The following NKAIN2 variants were observed in gnomAD, a reference collection of about 807,000 sequenced individuals.
NKAIN2 encodes sodium/potassium-transporting ATPase subunit beta-1-interacting protein 2.
Under a neutral mutation model 32.6 loss-of-function variants are expected in NKAIN2, and 14 were observed. That is an observed-to-expected ratio of 0.43 (90% CI 0.28 to 0.67). The LOEUF (loss-of-function observed/expected upper bound fraction) is 0.67, where lower values mean the gene tolerates loss of function less well. Ranked by LOEUF, NKAIN2 falls within the 30% of genes least tolerant of loss-of-function variation. The pLI, the probability that NKAIN2 is intolerant of heterozygous loss-of-function variation, is 0.17. For synonymous variants in NKAIN2, 80 were observed against 87.2 expected, an observed-to-expected ratio of 0.92 and a Z score of 0.46; for missense variants, 198 against 258.3, an observed-to-expected ratio of 0.77 and a Z score of 1.60.
chr6:124,624,088 G>T (rs1026205124), intron 3 of NKAIN2, among the ~76,000 whole-genome samples: 1 of 152,106 alleles, frequency 6.6e-6, no homozygotes, highest in Non-Finnish European at 1.5e-5. Flanking sequence ...ACACCAGACA[G>T]GTAACAACTC....
At chr6:124,605,989 GT>G (rs1409084287) in intron 3 of NKAIN2, among the ~76,000 whole-genome samples, 4 of 151,982 alleles carry the variant, frequency 2.6e-5, no homozygotes, top group African/African-American at 4.8e-5. Context: ...ATTTTCCTCA[GT>G]TTAACTCCTT....
At chr6:124,040,051 T>C (rs1260623352) in intron 1 of NKAIN2, among the ~76,000 whole-genome samples, 1 of 152,022 alleles carries the variant, frequency 6.6e-6, no homozygotes, top group Non-Finnish European at 1.5e-5. Flanking sequence ...CTGTTATTTA[T>C]TACAAGTGGT....
rs565885485 is a variant in NKAIN2 at position 124,725,747 on chromosome 6, G to T, written c.475-65592G>T. Among the ~76,000 whole-genome samples, 5 of 152,336 alleles carry T rather than the reference G, an allele frequency of 3.3e-5. No homozygotes were observed. In the East Asian group the frequency reaches 5.8e-4, roughly 18 times the overall value. ...GAACAGCTCTGGTCTACAGCTCCCA[G>T]TGTGAGCGACGCAGAAGACGGTGAT... On this transcript the variant is annotated intron_variant, in intron 4 of 6. Transcript: ENST00000368417.
chr6:124,200,050 A>G (rs1790522356), intron 1 of NKAIN2, among the ~76,000 whole-genome samples: 1 of 152,180 alleles, frequency 6.6e-6, no homozygotes, highest in Admixed American at 6.5e-5. Flanking sequence ...TAATCAGTGA[A>G]GAAGATACCT....
intron 4 of NKAIN2, among the ~76,000 whole-genome samples, chr6:124,733,353 A>G (rs1458845515): frequency 6.6e-6 from 1 of 151,960 alleles, no homozygotes; most frequent in Non-Finnish European, 1.5e-5. Flanking sequence ...AGCCCAGTAA[A>G]TAATGCAGAC....
intron 3 of NKAIN2, among the ~76,000 whole-genome samples, chr6:124,641,557 TTTTTTTTTTTTTGA>T (rs1431456249): frequency 8.7e-6 from 1 of 114,462 alleles, no homozygotes; most frequent in African/African-American, 3.7e-5. Flanking sequence ...TTTTTTTTTT[TTTTTTTTTTTTTGA>T]GACAGTGTCT....
At chr6:124,811,443 T>A (rs1780901121) in intron 5 of NKAIN2, among the ~76,000 whole-genome samples, 1 of 152,304 alleles carries the variant, frequency 6.6e-6, no homozygotes. Flanking sequence ...TTAAAAGGTT[T>A]AAATAAAAGA....
chr6:124,321,810 TG>T (rs1406267378), intron 2 of NKAIN2, among the ~76,000 whole-genome samples: 3 of 152,308 alleles, frequency 2.0e-5, no homozygotes, highest in Admixed American at 2.0e-4. Flanking sequence ...AACATTGGCA[TG>T]GCTGCTCAGA....
intron 1 of NKAIN2, among the ~76,000 whole-genome samples, chr6:123,810,569 C>A (rs955755454): frequency 6.6e-6 from 1 of 151,978 alleles, no homozygotes; most frequent in African/African-American, 2.4e-5. Context: ...CAACTTTTGA[C>A]AGATAACCAT....
intron 2 of NKAIN2, among the ~76,000 whole-genome samples, chr6:124,292,376 C>T (rs73773711): frequency 0.044 from 6,728 of 152,166 alleles, 518 homozygotes; most frequent in African/African-American, 0.15. Flanking sequence ...TGGTTGAAAT[C>T]TCTTTGTTGC....
Position 124,159,332 on chromosome 6 carries a change from C to T in NKAIN2, c.55-123673C>T, listed in dbSNP as rs77390091. Among the ~76,000 whole-genome samples, 167 of 152,086 alleles carry T rather than the reference C, an allele frequency of 1.1e-3. 1 individual carries two copies. In the East Asian group the frequency reaches 0.029, roughly 26 times the overall value. On this transcript the variant is annotated intron_variant, in intron 1 of 6. Transcript: ENST00000368417. ...TACTAAAGGAAAATTATTTTGATTG[C>T]GATGGGGTATGGTAAAACCACTCAG...
At chr6:123,880,828 C>A (rs2114325904) in intron 1 of NKAIN2, among the ~76,000 whole-genome samples, 1 of 152,242 alleles carries the variant, frequency 6.6e-6, no homozygotes, top group South Asian at 2.1e-4. Flanking sequence ...ATCTTCAATT[C>A]CTATGCAACT....
At chr6:124,197,665 G>T (rs886764749) in intron 1 of NKAIN2, among the ~76,000 whole-genome samples, 4 of 151,930 alleles carry the variant, frequency 2.6e-5, no homozygotes, top group African/African-American at 9.7e-5. Context: ...TTTGGACAAT[G>T]AATACAGGAA....
intron 3 of NKAIN2, among the ~76,000 whole-genome samples, chr6:124,639,417 C>T (rs981451351): frequency 6.6e-6 from 1 of 152,044 alleles, no homozygotes; most frequent in Admixed American, 6.5e-5. Flanking sequence ...GGGAGGCCAA[C>T]GTGTGTGGGA....
At chr6:124,756,434 T>C (rs917225199) in intron 4 of NKAIN2, among the ~76,000 whole-genome samples, 3 of 152,124 alleles carry the variant, frequency 2.0e-5, no homozygotes, top group African/African-American at 2.4e-5. Flanking sequence ...CCTTCCACTA[T>C]GACCAGCCCT....
At chr6:124,103,251 T>G (rs962639326) in intron 1 of NKAIN2, among the ~76,000 whole-genome samples, 10 of 152,214 alleles carry the variant, frequency 6.6e-5, no homozygotes, top group African/African-American at 2.4e-4. Context: ...AAAAATAATC[T>G]ACAAAGCAAT....
intron 1 of NKAIN2, among the ~76,000 whole-genome samples, chr6:124,270,572 A>T (rs1794713984): frequency 6.6e-6 from 1 of 152,208 alleles, no homozygotes; most frequent in African/African-American, 2.4e-5. Flanking sequence ...CATATGATAC[A>T]TGAACATAAG....
chr6:124,658,350 A>T lies in NKAIN2; in HGVS notation c.438A>T (p.Ile146=), dbSNP rs756813662. ...VSGCLLEYQY[I]EVAHSSLQIV... ...GGTGTTTGCTGGAGTACCAGTACATAGAAGTGGCTCATAGTTCCCTCCAGA... is the reference window on the plus strand; with the variant it reads ...GGTGTTTGCTGGAGTACCAGTACATTGAAGTGGCTCATAGTTCCCTCCAGA... Residue 146 remains isoleucine (I), a synonymous_variant, in exon 4 of 7, where the codon ATA becomes ATT. Coordinates refer to ENST00000368417, the MANE Select transcript of NKAIN2 (RefSeq NM_001040214.3). The T allele has an allele frequency of 4.3e-6, 7 of 1,614,012 alleles. No individual in the cohort carries two copies. Among genetic ancestry groups the T allele is most frequent in the Non-Finnish European group, 5.9e-6 (7 of 1,180,014 alleles).
At chr6:124,509,179 A>G (rs1778612572) in intron 3 of NKAIN2, among the ~76,000 whole-genome samples, 1 of 152,208 alleles carries the variant, frequency 6.6e-6, no homozygotes, top group African/African-American at 2.4e-5. Context: ...ATAAGTGCAC[A>G]TTCAGTTTAG....
Sources: gnomAD v4.1 joint callset for allele counts (sites outside exome capture counted in the v4.1 genomes callset) on GRCh38, gnomAD v4.1.1 for gene constraint, MANE v1.5 for transcripts, NCBI Gene and HGNC (gene_info 2026-07-23, HGNC 2026-07-21) for gene names.